The following LRRC37A2 variants were observed in gnomAD, a reference collection of about 807,000 sequenced individuals.
LRRC37A2 encodes the protein leucine-rich repeat-containing protein 37A2.
In LRRC37A2, 9 loss-of-function variants were observed where a neutral mutation model predicts 68.8. The ratio of observed to expected loss-of-function variants is 0.13; its 90% CI spans 0.08 to 0.23. The LOEUF is 0.23. LRRC37A2 is among the 10% of genes least tolerant of loss of function. The probability of loss-of-function intolerance (pLI) is 1.00; values close to 1 mark genes in which losing one functional copy is unlikely to be tolerated. For synonymous variants in LRRC37A2, 63 were observed against 367.6 expected (o/e 0.17, Z 9.48); for missense variants, 168 against 950.4 (o/e 0.18, Z 10.82).
At chr17:46,825,055 C>G in the LRRC37A2 span, among the ~76,000 whole-genome samples, 9 of 152,246 alleles carry the variant, frequency 5.9e-5, no homozygotes, top group Non-Finnish European at 1.0e-4. Context: ...TTCAGCCTCC[C>G]TCTGTGCCCC....
At chr17:46,966,506 C>T in the LRRC37A2 span, 1 of 685,448 alleles carries the variant, frequency 1.5e-6, no homozygotes. Flanking sequence ...CCCCACCACA[C>T]CCGATTAATT....
chr17:46,816,275 T>C, the LRRC37A2 span, among the ~76,000 whole-genome samples: 24 of 151,798 alleles, frequency 1.6e-4, no homozygotes, highest in Admixed American at 1.6e-3. Flanking sequence ...CACATGTACA[T>C]ACACACATCA....
At chr17:46,585,796 A>G in the LRRC37A2 span, among the ~76,000 whole-genome samples, 7 of 576 alleles carry the variant, frequency 0.012, no homozygotes, top group Non-Finnish European at 0.045. Context: ...AACACCCCCC[A>G]CCCCGCCCCG....
At chr17:46,960,411 A>G in the LRRC37A2 span, among the ~76,000 whole-genome samples, 10 of 152,344 alleles carry the variant, frequency 6.6e-5, no homozygotes, top group East Asian at 1.7e-3. Context: ...GTGGAAATGC[A>G]AAATGGAACA....
At chr17:46,462,209 T>G in the LRRC37A2 span, among the ~76,000 whole-genome samples, 1 of 72,244 alleles carries the variant, frequency 1.4e-5, no homozygotes, top group Non-Finnish European at 3.6e-5. Context: ...CAATTTCATT[T>G]ATAGCAGAAA....
At chr17:46,733,243 T>G in the LRRC37A2 span, among the ~76,000 whole-genome samples, 2 of 152,152 alleles carry the variant, frequency 1.3e-5, no homozygotes, top group Non-Finnish European at 2.9e-5. Context: ...GCCTTGGTCT[T>G]AATGTCAAGG....
the LRRC37A2 span, among the ~76,000 whole-genome samples, chr17:47,027,825 G>A: frequency 7.0e-3 from 1,067 of 152,320 alleles, 11 homozygotes; most frequent in Non-Finnish European, 9.7e-3. Flanking sequence ...AGAGAGCAGT[G>A]GTTCTCAGCT....
At chr17:46,984,346 G>A in the LRRC37A2 span, among the ~76,000 whole-genome samples, 14 of 152,048 alleles carry the variant, frequency 9.2e-5, no homozygotes, top group African/African-American at 1.5e-4. Flanking sequence ...GGAGTGCTTC[G>A]TTGTTGGGGA....
chr17:46,492,280 T>A, the LRRC37A2 span, among the ~76,000 whole-genome samples: 3 of 151,238 alleles, frequency 2.0e-5, no homozygotes, highest in East Asian at 1.9e-4. Flanking sequence ...GACTTTTAAA[T>A]AGGTATTTTA....
chr17:46,775,411 G>T, the LRRC37A2 span, among the ~76,000 whole-genome samples: 3 of 152,136 alleles, frequency 2.0e-5, no homozygotes, highest in African/African-American at 7.2e-5. Context: ...CCGTGCAGGG[G>T]CATGCTACCC....
rs1314412757 is a variant in LRRC37A2 at position 46,532,225 on chromosome 17, AAAAC to A, written c.2907-7948_2907-7945del. Among the ~76,000 whole-genome samples, 55 of 148,792 alleles carry A rather than the reference AAAAC, an allele frequency of 3.7e-4. No homozygotes were observed. In the East Asian group the frequency reaches 9.6e-3, roughly 26 times the overall value. On this transcript the variant is annotated intron_variant, in intron 6 of 14. Transcript: ENST00000576629. ...ATAAATGAAAACTTTTTCACTCAAA[AAAAC>A]AACAATTGTAGTGAAACCATAGATC...
chr17:46,863,109 C>T, the LRRC37A2 span, among the ~76,000 whole-genome samples: 1 of 18,534 alleles, frequency 5.4e-5, no homozygotes, highest in African/African-American at 2.5e-4. Context: ...CAGTCGTGGG[C>T]TAGGGAGGGC....
the LRRC37A2 span, among the ~76,000 whole-genome samples, chr17:46,907,617 G>A: frequency 6.8e-6 from 1 of 146,746 alleles, no homozygotes; most frequent in African/African-American, 2.5e-5. Context: ...CAGGAGGATC[G>A]GTTGAATTCA....
the LRRC37A2 span, among the ~76,000 whole-genome samples, chr17:46,890,039 G>A: frequency 6.6e-6 from 1 of 152,142 alleles, no homozygotes; most frequent in Non-Finnish European, 1.5e-5. Context: ...CCCCTCCCAT[G>A]CCACCATTTC....
chr17:46,918,608 CA>C, the LRRC37A2 span, among the ~76,000 whole-genome samples: 1 of 56,250 alleles, frequency 1.8e-5, no homozygotes, highest in South Asian at 9.0e-4. Flanking sequence ...CACACACACA[CA>C]CACACACACA....
chr17:47,022,166 C>CTTTTTTTTTGTTTTT, the LRRC37A2 span, among the ~76,000 whole-genome samples: 1 of 15,846 alleles, frequency 6.3e-5, no homozygotes, highest in Non-Finnish European at 2.2e-4. Flanking sequence ...CCTTTTTGTT[C>CTTTTTTTTTGTTTTT]TCTTTTTTTT....
the LRRC37A2 span, among the ~76,000 whole-genome samples, chr17:46,784,816 C>T: frequency 6.6e-6 from 1 of 151,188 alleles, no homozygotes; most frequent in African/African-American, 2.4e-5. Flanking sequence ...CGCTCTGTCG[C>T]CCAGGCTGGA....
the LRRC37A2 span, among the ~76,000 whole-genome samples, chr17:46,897,786 G>C: frequency 6.6e-6 from 1 of 152,090 alleles, no homozygotes; most frequent in Non-Finnish European, 1.5e-5. Flanking sequence ...CACCACGCTG[G>C]CTACCTTTCT....
the LRRC37A2 span, among the ~76,000 whole-genome samples, chr17:46,994,350 A>G: frequency 1.4e-5 from 2 of 146,886 alleles, no homozygotes; most frequent in Non-Finnish European, 3.0e-5. Context: ...ATGCCATTAC[A>G]CTCCAGCCTG....
Sources: gnomAD v4.1 joint callset for allele counts (sites outside exome capture counted in the v4.1 genomes callset) on GRCh38, gnomAD v4.1.1 for gene constraint, MANE v1.5 for transcripts, NCBI Gene and HGNC (gene_info 2026-07-23, HGNC 2026-07-21) for gene names.